Variants in GPRIN2 observed in about 807,000 individuals in gnomAD.
The protein encoded by GPRIN2 is G protein-regulated inducer of neurite outgrowth 2.
In GPRIN2, 1 loss-of-function variant was observed where a neutral mutation model predicts 0.3. The observed-to-expected ratio is 3.90, with a 90% CI of 1.39 to 18.51. The LOEUF (loss-of-function observed/expected upper bound fraction) is 18.51, where lower values mean the gene tolerates loss of function less well. Ranked by LOEUF, GPRIN2 falls within the 30% of genes most tolerant of loss-of-function variation. The pLI is 0.11. For missense variants in GPRIN2, 880 were observed against 604.2 expected (o/e 1.46, Z -4.79); for synonymous variants, 361 against 258.6 (o/e 1.40, Z -3.80).
chr10:46,551,685 C>G (rs1832171856), intron 2 of GPRIN2, among the ~76,000 whole-genome samples: 2 of 152,426 alleles, frequency 1.3e-5, no homozygotes, highest in African/African-American at 4.8e-5. Context: ...TCCTCATTGT[C>G]CCCCACCCTC....
Position 46,550,632 on chromosome 10 carries a change from C to T in GPRIN2, c.105G>A (p.Gln35=). ...SSSLLGEGRE[Q]RPELRKTASS... Reference sequence around the variant, plus strand: ...TGGCAGTCTTGCGGAGCTCTGGCCTCTGTTCCCGGCCTTCACCCAGCAGGC... The same window carrying T: ...TGGCAGTCTTGCGGAGCTCTGGCCTTTGTTCCCGGCCTTCACCCAGCAGGC... Residue 35 remains glutamine, a synonymous_variant, in exon 3 of 3, where the codon CAG becomes CAA. Coordinates refer to ENST00000374314, the MANE Select transcript of GPRIN2 (RefSeq NM_001385282.1). 6.3e-7 allele frequency: 1 copy of T among 1,574,974 alleles called. No homozygotes were observed. Among genetic ancestry groups the T allele is most frequent in the South Asian group, 1.2e-5 (1 of 83,862 alleles).
In GPRIN2 at chr10:46,548,121, T is replaced by C. The variant is rs1832819967; in HGVS notation, c.*1239A>G. ...CCCTCTGGTCCCTCACACGGGTGGA[T>C]TGGGGGGCTGTGTCACGGGATCTTA... On this transcript the variant is annotated 3_prime_UTR_variant, in exon 3 of 3. Transcript: ENST00000374314. Among the ~76,000 whole-genome samples, 238 of 152,316 alleles carry C rather than the reference T, an allele frequency of 1.6e-3. No individual in the cohort carries two copies. The highest frequency in any genetic ancestry group is 5.3e-3 in the African/African-American group (218 of 41,516).
chr10:46,546,348 AG>A lies in GPRIN2; in HGVS notation c.*3011del, dbSNP rs144243017. Reference sequence around the variant, plus strand: ...AGCAGGGAGCCCCTGGAGCAGACAGAGGGGGGATTCCTGCTGAGGCAAGGGG... The same window carrying A: ...AGCAGGGAGCCCCTGGAGCAGACAGAGGGGGATTCCTGCTGAGGCAAGGGG... On this transcript the variant is annotated 3_prime_UTR_variant, in exon 3 of 3. Transcript: ENST00000374314. Among the ~76,000 whole-genome samples the A allele has an allele frequency of 6.6e-6, 1 of 152,178 alleles. No individual in the cohort carries two copies. Among genetic ancestry groups the A allele is most frequent in the African/African-American group, 2.4e-5 (1 of 41,476 alleles).
rs1842222864 is a variant in GPRIN2, at chr10:46,547,041, T to C, written c.*2319A>G. Among the ~76,000 whole-genome samples, 2 of 152,306 alleles carry C rather than the reference T, an allele frequency of 1.3e-5. No individual in the cohort carries two copies. Among genetic ancestry groups the C allele is most frequent in the African/African-American group, 4.8e-5 (2 of 41,488 alleles). On this transcript the variant is annotated 3_prime_UTR_variant, in exon 3 of 3. Transcript: ENST00000374314. ...CACAGAAGAAAGTCTCTTCATGAAG[T>C]AGGTTTCACTGGTCCCAGCCAAACC... is the stretch of plus-strand genomic sequence containing the variant.
rs1017540328 is a variant in GPRIN2 at position 46,548,042 on chromosome 10, G to C, written c.*1318C>G. Among the ~76,000 whole-genome samples the C allele has an allele frequency of 2.0e-5, 3 of 152,308 alleles. No homozygotes were observed. On this transcript the variant is annotated 3_prime_UTR_variant, in exon 3 of 3. Transcript: ENST00000374314. ...CACTGTGGGGGTCCTGGGCTCCTAG[G>C]TGCAGAAGAGGCTCCAGAAACAGGC...
rs1842219526 is a variant in GPRIN2, at chr10:46,547,014, G to A, written c.*2346C>T. On this transcript the variant is annotated 3_prime_UTR_variant, in exon 3 of 3. Transcript: ENST00000374314. ...CGTGAATGCATAAGAATCTGCACGT[G>A]ACACAGAAGAAAGTCTCTTCATGAA... Among the ~76,000 whole-genome samples the A allele has an allele frequency of 2.0e-5, 3 of 152,304 alleles. No individual in the cohort carries two copies. Among genetic ancestry groups the A allele is most frequent in the Admixed American group, 2.0e-4 (3 of 15,292 alleles).
At chr10:46,552,181 A>G (rs1842688971) in intron 2 of GPRIN2, among the ~76,000 whole-genome samples, 1 of 152,306 alleles carries the variant, frequency 6.6e-6, no homozygotes, top group Non-Finnish European at 1.5e-5. Flanking sequence ...AGAAGCAAGA[A>G]GGTGTTCAGG....
chr10:46,544,655 C>T lies in GPRIN2; in HGVS notation c.*4705G>A, dbSNP rs1832978153. On this transcript the variant is annotated 3_prime_UTR_variant, in exon 3 of 3. Coordinates refer to ENST00000374314, the MANE Select transcript of GPRIN2 (RefSeq NM_001385282.1). ...ACACTTCTAAGCTTGCTGTTGCTCTCAGACTTGCAGAACAACCTATTAAAC... is the reference window on the plus strand; with the variant it reads ...ACACTTCTAAGCTTGCTGTTGCTCTTAGACTTGCAGAACAACCTATTAAAC... Among the ~76,000 whole-genome samples the T allele has an allele frequency of 2.0e-5, 3 of 152,428 alleles. No individual in the cohort carries two copies. The South Asian group carries it at 6.2e-4, about 32-fold the overall frequency.
Position 46,549,310 on chromosome 10 carries a change from G to A in GPRIN2, c.*50C>T, listed in dbSNP as rs1339370509. ...GGAGCCCCCACCGTCCCTGGCCCAG[G>A]TCTAGGACTAAGTCAGTGGGCCCAG... On this transcript the variant is annotated 3_prime_UTR_variant, in exon 3 of 3. Transcript: ENST00000374314. 9 of 1,452,412 alleles carry A rather than the reference G, an allele frequency of 6.2e-6. No individual in the cohort carries two copies. The Admixed American group carries it at 1.2e-4, about 19-fold the overall frequency. The allele number at this position is 1,452,412 out of a possible 1,614,324, so 90.0% of individuals were successfully genotyped here. A position where few individuals can be genotyped will look rare whatever the true frequency, so the allele number is the denominator to read the frequency against.
chr10:46,544,599 C>T lies in GPRIN2; in HGVS notation c.*4761G>A, dbSNP rs1832981704. Among the ~76,000 whole-genome samples the T allele has an allele frequency of 2.9e-3, 446 of 152,114 alleles. No individual in the cohort carries two copies. The highest frequency in any genetic ancestry group is 0.01 in the African/African-American group (417 of 41,326). On this transcript the variant is annotated 3_prime_UTR_variant, in exon 3 of 3. Coordinates refer to ENST00000374314, the MANE Select transcript of GPRIN2 (RefSeq NM_001385282.1). ...TCAGCCTCCCAAAGTGCTGGGATTA[C>T]AGGCATGAGCCACTGTACCAGGCTG... is the stretch of plus-strand genomic sequence containing the variant.
rs1555020460 is a variant in GPRIN2, at chr10:46,550,536, G to T, written c.201C>A (p.Asn67Lys). Residue 67 changes from asparagine to lysine, a missense_variant, in exon 3 of 3, where the codon AAC becomes AAA. Coordinates refer to ENST00000374314, the MANE Select transcript of GPRIN2 (RefSeq NM_001385282.1). ...GTGCTGGCTTCATGCTCTCAGGCGGGTTCCCCTCTTCCTCCGGGGCCTGGG... is the reference window on the plus strand; with the variant it reads ...GTGCTGGCTTCATGCTCTCAGGCGGTTTCCCCTCTTCCTCCGGGGCCTGGG... Reference protein sequence around the residue: ...TRPQAPEEEGNPPESMKPARA... With the variant: ...TRPQAPEEEGKPPESMKPARA... 4 of 1,593,438 alleles carry T rather than the reference G, an allele frequency of 2.5e-6. No individual in the cohort carries two copies. Among genetic ancestry groups the T allele is most frequent in the Middle Eastern group, 1.7e-4 (1 of 5,978 alleles).
chr10:46,550,006 C>T lies in GPRIN2; in HGVS notation c.731G>A (p.Gly244Asp). ...LLCGMREVRA[G>D]GCCHALPATG... is the part of the protein sequence containing the mutation. Reference sequence around the variant, plus strand: ...GGCAGGTAGGGCATGGCAGCAGCCACCAGCCCTCACCTCCCTCATGCCACA... The same window carrying T: ...GGCAGGTAGGGCATGGCAGCAGCCATCAGCCCTCACCTCCCTCATGCCACA... The change falls in exon 3 of 3, where the codon GGT becomes GAT. Residue 244 changes from glycine (G) to aspartate (D), a missense_variant. Coordinates refer to ENST00000374314, the MANE Select transcript of GPRIN2 (RefSeq NM_001385282.1). 1.6e-6 allele frequency: 2 copies of T among 1,284,852 alleles called. No individual in the cohort carries two copies. The highest frequency in any genetic ancestry group is 2.2e-6 in the Non-Finnish European group (2 of 892,902). 79.6% of individuals were successfully genotyped at this position (1,284,852 alleles called of 1,614,324 possible).
At chr10:46,553,828 A>T (rs1208313685) in intron 2 of GPRIN2, among the ~76,000 whole-genome samples, 1 of 152,310 alleles carries the variant, frequency 6.6e-6, no homozygotes, top group Non-Finnish European at 1.5e-5. Flanking sequence ...GGCCTGGCTA[A>T]CTACAACCTG....
chr10:46,546,756 G>T lies in GPRIN2; in HGVS notation c.*2604C>A, dbSNP rs1478463269. 6.6e-6 allele frequency among the ~76,000 whole-genome samples: 1 copy of T among 152,312 alleles called. No homozygotes were observed. Among genetic ancestry groups the T allele is most frequent in the Non-Finnish European group, 1.5e-5 (1 of 68,058 alleles). ...AGAAATGAGGCTGCAGTCACTTCAG[G>T]TAGACCTGTCAGCAGCAGCTGTGCA... On this transcript the variant is annotated 3_prime_UTR_variant, in exon 3 of 3. Transcript: ENST00000374314.
In GPRIN2 at chr10:46,549,444, C is replaced by G. The variant is rs1832716998; in HGVS notation, c.1293G>C (p.Glu431Asp). ...APASEDSLSV[E>D]GRRGPLRAVM... ...CAGCCCGCAGTGGCCCCCTCCGGCC[C>G]TCCACAGACAGGCTGTCCTCGCTGG... Residue 431 changes from glutamate (E) to aspartate (D), a missense_variant, in exon 3 of 3, where the codon GAG becomes GAC. Coordinates refer to ENST00000374314, the MANE Select transcript of GPRIN2 (RefSeq NM_001385282.1). 2 of 1,605,816 alleles carry G rather than the reference C, an allele frequency of 1.2e-6. No homozygotes were observed. Among genetic ancestry groups the G allele is most frequent in the South Asian group, 1.1e-5 (1 of 89,874 alleles).
chr10:46,550,830 T>A (rs1348534749), intron 2 of GPRIN2, 88 bp from the exon 3 acceptor site: 1 of 1,385,084 alleles, frequency 7.2e-7, no homozygotes. Flanking sequence ...AGTGCTAGGT[T>A]CACCAGGGAG....
In GPRIN2 at chr10:46,542,462, A is replaced by G. The variant is rs979935900; in HGVS notation, c.*6898T>C. ...AGTTCTCACGAGATCTGATGGTTTT[A>G]TAAGTGTTTGGTAGTTCCTTCTGCA... On this transcript the variant is annotated 3_prime_UTR_variant, in exon 3 of 3. Transcript: ENST00000374314. Among the ~76,000 whole-genome samples the G allele has an allele frequency of 1.3e-5, 2 of 152,310 alleles. No individual in the cohort carries two copies. Among genetic ancestry groups the G allele is most frequent in the African/African-American group, 2.4e-5 (1 of 41,488 alleles).
At chr10:46,557,556 T>G (rs1831735795), upstream of GPRIN2, among the ~76,000 whole-genome samples, 5 of 152,168 alleles carry the variant, frequency 3.3e-5, no homozygotes, top group Admixed American at 2.0e-4. Flanking sequence ...CCACCTCCAC[T>G]GGAGCCCGCC....
At position 46,549,396 on chromosome 10, in the gene GPRIN2, G is replaced by T; in HGVS notation, c.1341C>A (p.Pro447=). The T allele has an allele frequency of 3.3e-6, 5 of 1,504,470 alleles. No homozygotes were observed. The highest frequency in any genetic ancestry group is 4.4e-6 in the Non-Finnish European group (5 of 1,130,272). The allele number at this position is 1,504,470 out of a possible 1,614,324, so 93.2% of individuals were successfully genotyped here. ...LRAVMQSLRR[P]SCCGCSGAAP... is the part of the protein sequence containing the mutation. Reference sequence around the variant, plus strand: ...CCGCGCCGGAGCAGCCGCAGCAGCTGGGGCGCCGCAGGGACTGCATGACAG... The same window carrying T: ...CCGCGCCGGAGCAGCCGCAGCAGCTTGGGCGCCGCAGGGACTGCATGACAG... The change falls in exon 3 of 3, where the codon CCC becomes CCA. Residue 447 remains proline (P), a synonymous_variant. Coordinates refer to ENST00000374314, the MANE Select transcript of GPRIN2 (RefSeq NM_001385282.1).
Sources: gnomAD v4.1 joint callset for allele counts (sites outside exome capture counted in the v4.1 genomes callset) on GRCh38, gnomAD v4.1.1 for gene constraint, MANE v1.5 for transcripts, NCBI Gene and HGNC (gene_info 2026-07-23, HGNC 2026-07-21) for gene names.